Variants in SATB1 observed in about 807,000 individuals in gnomAD.
SATB1 encodes SATB homeobox 1.
In SATB1, 11 loss-of-function variants were observed where a neutral mutation model predicts 86.9. The observed-to-expected ratio is 0.13, with a 90% CI of 0.08 to 0.21. The LOEUF is 0.21. Ranked by LOEUF, SATB1 falls within the 10% of genes least tolerant of loss-of-function variation. SATB1 has a pLI of 1.00. For synonymous variants in SATB1, 357 were observed against 357.2 expected (o/e 1.00, Z 0.01); for missense variants, 551 against 937.6 (o/e 0.59, Z 5.39).
chr3:18,353,415 G>C (rs1467485178), intron 9 of SATB1, among the ~76,000 whole-genome samples: 3 of 151,992 alleles, frequency 2.0e-5, no homozygotes, highest in Non-Finnish European at 4.4e-5. Flanking sequence ...TCTTCCCAGG[G>C]CCCTTACCAA....
chr3:18,428,513 T>A (rs1698784504), upstream of SATB1, among the ~76,000 whole-genome samples: 1 of 152,208 alleles, frequency 6.6e-6, no homozygotes, highest in African/African-American at 2.4e-5. Context: ...TTCCTAGGCA[T>A]ATGTGAACAT....
chr3:18,349,564 G>C lies in SATB1; in HGVS notation c.1898C>G (p.Ser633Cys), dbSNP rs747574380. The C allele has an allele frequency of 1.9e-6, 3 of 1,613,958 alleles. No homozygotes were observed. Among genetic ancestry groups the C allele is most frequent in the Non-Finnish European group, 2.5e-6 (3 of 1,180,004 alleles). ...GTTTTCCTCATCTGACTCTGCTGGAGAGGCCACCGTGGGTTGCCGTGGGGG... is the reference window on the plus strand; with the variant it reads ...GTTTTCCTCATCTGACTCTGCTGGACAGGCCACCGTGGGTTGCCGTGGGGG... ...RLPPRQPTVA[S>C]PAESDEENRQ... The change falls in exon 11 of 11, where the codon TCT (serine) becomes TGT (cysteine). Residue 633 changes from serine (S) to cysteine (C), a missense_variant. This residue lies in a region of SATB1 where 87 missense variants were observed against 103.6 expected (regional missense o/e 0.84). Coordinates refer to ENST00000338745, the MANE Select transcript of SATB1 (RefSeq NM_002971.6). This position sits in a 1 kb window ranked among gnomAD's most constrained non-coding sequence, Gnocchi z 5.5.
chr3:18,357,351 C>CA (rs1342340370), intron 9 of SATB1, among the ~76,000 whole-genome samples: 1 of 151,756 alleles, frequency 6.6e-6, no homozygotes, highest in Non-Finnish European at 1.5e-5. Flanking sequence ...GTACTTCTAA[C>CA]AAAAAATTCA....
At position 18,423,656 on chromosome 3, in the gene SATB1, C is replaced by G. The variant is rs1140346; in HGVS notation, c.-54G>C. 1 of 150,678 alleles carries G rather than the reference C, an allele frequency of 6.6e-6. No homozygotes were observed. Among genetic ancestry groups the G allele is most frequent in the Non-Finnish European group, 1.5e-5 (1 of 67,816 alleles). The allele number at this position is 150,678 out of a possible 1,614,324, so 9.3% of individuals were successfully genotyped here. On this transcript the variant is annotated 5_prime_UTR_variant, in exon 1 of 11. Coordinates refer to ENST00000338745, the MANE Select transcript of SATB1 (RefSeq NM_002971.6). ...TCAAAACTTGACAGCACATAAATAACAAAAACAAAGGAGATTTCCTTTGCA... is the reference window on the plus strand; with the variant it reads ...TCAAAACTTGACAGCACATAAATAAGAAAAACAAAGGAGATTTCCTTTGCA...
At chr3:18,419,090 A>T (rs1326986101) in intron 2 of SATB1, among the ~76,000 whole-genome samples, 1 of 152,180 alleles carries the variant, frequency 6.6e-6, no homozygotes, top group African/African-American at 2.4e-5. Context: ...CAAACTATTG[A>T]AATATATTGG....
upstream of SATB1, among the ~76,000 whole-genome samples, chr3:18,428,276 T>G (rs1420279238): frequency 1.3e-5 from 2 of 152,164 alleles, no homozygotes; most frequent in African/African-American, 4.8e-5. Flanking sequence ...CAGGGCTCTC[T>G]TCCTTTTCTT....
chr3:18,370,515 C>G (rs80191009), intron 9 of SATB1, among the ~76,000 whole-genome samples: 1 of 49,440 alleles, frequency 2.0e-5, no homozygotes, highest in Non-Finnish European at 3.5e-5. Context: ...CTGAGAGAGG[C>G]AAAAAAAAAA....
At chr3:18,373,842 AT>A (rs982789500) in intron 9 of SATB1, among the ~76,000 whole-genome samples, 36 of 152,038 alleles carry the variant, frequency 2.4e-4, no homozygotes, top group South Asian at 6.2e-4. Context: ...CTTTATTTAT[AT>A]TTTTTTGTAT....
At position 18,349,828 on chromosome 3, in the gene SATB1, G is replaced by C. The variant is rs187871988; in HGVS notation, c.1780-146C>G. ...ATTTAGAAAGAAAAGGTAGGCCGGC[G>C]AAATGGCCGACAGCATTTACAAAAA... On this transcript the variant is annotated intron_variant, in intron 10 of 10. Transcript: ENST00000338745. The surrounding 1 kb of genome is among the most constrained non-coding windows in gnomAD (Gnocchi z 5.5). The C allele has an allele frequency of 2.2e-6, 3 of 1,361,618 alleles. No individual in the cohort carries two copies. The highest frequency in any genetic ancestry group is 2.9e-6 in the Non-Finnish European group (3 of 1,036,404). The allele number at this position is 1,361,618 out of a possible 1,614,324, so 84.3% of individuals were successfully genotyped here. A position where few individuals can be genotyped will look rare whatever the true frequency, so the allele number is the denominator to read the frequency against.
At position 18,347,491 on chromosome 3, in the gene SATB1, G is replaced by GAAAA. The variant is rs373501498; in HGVS notation, c.*1675_*1678dup. On this transcript the variant is annotated 3_prime_UTR_variant, in exon 11 of 11. Transcript: ENST00000338745. ...TTAACTTATTCCACTTATAACTTGT[G>GAAAA]AAAAAAAAAAGCTAAGGGGTTTTTA... The GAAAA allele has an allele frequency of 6.9e-6, 1 of 145,892 alleles. No homozygotes were observed. The allele number at this position is 145,892 out of a possible 1,614,324, so 9.0% of individuals were successfully genotyped here. A position where few individuals can be genotyped will look rare whatever the true frequency, so the allele number is the denominator to read the frequency against.
Position 18,423,382 on chromosome 3 carries a change from G to T in SATB1, c.-25+245C>A, listed in dbSNP as rs1698488601. ...AAAATCTCGAAATTCTAGTTTTTTAGGAACCGATTTTTTGCAAAGCGAGAT... is the reference window on the plus strand; with the variant it reads ...AAAATCTCGAAATTCTAGTTTTTTATGAACCGATTTTTTGCAAAGCGAGAT... On this transcript the variant is annotated intron_variant, in intron 1 of 10. Coordinates refer to ENST00000338745, the MANE Select transcript of SATB1 (RefSeq NM_002971.6). Among the ~76,000 whole-genome samples, 3 of 152,164 alleles carry T rather than the reference G, an allele frequency of 2.0e-5. No homozygotes were observed. In the South Asian group the frequency reaches 6.2e-4, roughly 32 times the overall value.
chr3:18,400,900 G>A (rs1374011233), intron 5 of SATB1, among the ~76,000 whole-genome samples: 1 of 152,174 alleles, frequency 6.6e-6, no homozygotes, highest in Non-Finnish European at 1.5e-5. Flanking sequence ...ACACCACGGG[G>A]AAATATTTCT....
chr3:18,348,872 C>CA lies in SATB1; in HGVS notation c.*297dup, dbSNP rs377448223. On this transcript the variant is annotated 3_prime_UTR_variant, in exon 11 of 11. Coordinates refer to ENST00000338745, the MANE Select transcript of SATB1 (RefSeq NM_002971.6). ...TCCGGAATAAGAACTAAAAAAAAAA[C>CA]AAAAAACACTGGTTTCATGCTTACG... The CA allele has an allele frequency of 2.2e-3, 703 of 313,744 alleles. 4 individuals are homozygous for CA. Among genetic ancestry groups the CA allele is most frequent in the African/African-American group, 0.014 (657 of 45,338 alleles). The allele number at this position is 313,744 out of a possible 1,614,324, so 19.4% of individuals were successfully genotyped here. A position where few individuals can be genotyped will look rare whatever the true frequency, so the allele number is the denominator to read the frequency against.
intron 9 of SATB1, among the ~76,000 whole-genome samples, chr3:18,363,148 A>G (rs1236292821): frequency 6.6e-6 from 1 of 152,140 alleles, no homozygotes; most frequent in African/African-American, 2.4e-5. Context: ...TTTAGGAGAG[A>G]TAACAAAAAA....
upstream of SATB1, among the ~76,000 whole-genome samples, chr3:18,427,649 A>G (rs1455221064): frequency 1.3e-5 from 2 of 152,222 alleles, no homozygotes; most frequent in Non-Finnish European, 2.9e-5. Context: ...GTGAATGCTA[A>G]TATAATATGG....
intron 8 of SATB1, 64 bp from the exon 9 acceptor site, chr3:18,378,389 G>T: frequency 6.6e-7 from 1 of 1,520,660 alleles, no homozygotes; most frequent in Non-Finnish European, 9.1e-7. Flanking sequence ...AGCTTCTCAG[G>T]CTCAGCATCC....
At chr3:18,412,543 T>G (rs565838104) in intron 5 of SATB1, among the ~76,000 whole-genome samples, 1 of 152,198 alleles carries the variant, frequency 6.6e-6, no homozygotes, top group East Asian at 1.9e-4. Flanking sequence ...TATGGTGTAT[T>G]GCATGCTAAA....
In SATB1 at chr3:18,416,892, CATT is replaced by C; in HGVS notation, c.388+7_388+9del. The C allele has an allele frequency of 6.3e-7, 1 of 1,593,388 alleles. No homozygotes were observed. Among genetic ancestry groups the C allele is most frequent in the Non-Finnish European group, 8.5e-7 (1 of 1,171,500 alleles). ...AGCAATTTTTCCAACCCCACGTACA[CATT>C]ATTTACCTTTGGCCTGGGCAGCAGA... On this transcript the variant is annotated splice_region_variant and intron_variant, in intron 3 of 10. Coordinates refer to ENST00000338745, the MANE Select transcript of SATB1 (RefSeq NM_002971.6).
At chr3:18,380,689 T>C (rs1199039798) in intron 8 of SATB1, among the ~76,000 whole-genome samples, 3 of 152,214 alleles carry the variant, frequency 2.0e-5, no homozygotes, top group Non-Finnish European at 2.9e-5. Flanking sequence ...ACACATCTTA[T>C]CATAGATAAG....
Sources: gnomAD v4.1 joint callset for allele counts (sites outside exome capture counted in the v4.1 genomes callset) on GRCh38, gnomAD v4.1.1 for gene constraint, gnomAD v4.1.1 regional missense constraint, Gnocchi (gnomAD v3.1) non-coding constraint, MANE v1.5 for transcripts, NCBI Gene and HGNC (gene_info 2026-07-23, HGNC 2026-07-21) for gene names.